The following ACTR3C variants were observed in gnomAD, a reference collection of about 807,000 sequenced individuals.
ACTR3C encodes actin-related protein 3C.
In ACTR3C, 18 loss-of-function variants were observed where a neutral mutation model predicts 26.3. The ratio of observed to expected loss-of-function variants is 0.68; its 90% CI spans 0.47 to 1.01. ACTR3C has a LOEUF of 1.01. ACTR3C is among the 50% of genes least tolerant of loss of function. The probability of loss-of-function intolerance (pLI) is 0.00; values close to 1 mark genes in which losing one functional copy is unlikely to be tolerated. For synonymous variants in ACTR3C, 55 were observed against 94.5 expected, an observed-to-expected ratio of 0.58 and a Z score of 2.42; for missense variants, 184 against 250.7, an observed-to-expected ratio of 0.73 and a Z score of 1.80.
At chr7:150,121,222 C>G in the ACTR3C span, among the ~76,000 whole-genome samples, 2 of 152,208 alleles carry the variant, frequency 1.3e-5, no homozygotes, top group African/African-American at 4.8e-5. Flanking sequence ...ATTGGGAGTT[C>G]TTGCCAGGGC....
intron 1 of ACTR3C, among the ~76,000 whole-genome samples, chr7:150,318,253 T>G (rs1432419366): frequency 6.6e-6 from 1 of 152,166 alleles, no homozygotes; most frequent in Non-Finnish European, 1.5e-5. Context: ...GTCTGATCTC[T>G]GCCAAAAGAC....
downstream of ACTR3C, among the ~76,000 whole-genome samples, chr7:150,242,296 A>G (rs1317174199): frequency 6.6e-6 from 1 of 150,932 alleles, no homozygotes; most frequent in Admixed American, 6.6e-5. Context: ...ACAGAGGGCA[A>G]CAGAGGACAC....
chr7:150,183,726 C>G, the ACTR3C span, among the ~76,000 whole-genome samples: 1 of 131,106 alleles, frequency 7.6e-6, no homozygotes, highest in African/African-American at 3.2e-5. Context: ...AAAAGCTTAT[C>G]TGTCAGAAAC....
At chr7:150,203,501 C>T in the ACTR3C span, among the ~76,000 whole-genome samples, 144 of 152,338 alleles carry the variant, frequency 9.5e-4, no homozygotes, top group Middle Eastern at 3.4e-3. Context: ...CCTCCTGATA[C>T]ACCCCCTGAA....
At chr7:150,227,351 T>C in the ACTR3C span, among the ~76,000 whole-genome samples, 1 of 151,522 alleles carries the variant, frequency 6.6e-6, no homozygotes, top group East Asian at 1.9e-4. Flanking sequence ...TTCTATGAGA[T>C]CAATTTCTTT....
intron 1 of ACTR3C, among the ~76,000 whole-genome samples, chr7:150,314,830 T>C (rs1796689971): frequency 6.7e-6 from 1 of 148,988 alleles, no homozygotes; most frequent in African/African-American, 2.5e-5. Flanking sequence ...CACACACCTG[T>C]AGTCCCAGCT....
the ACTR3C span, among the ~76,000 whole-genome samples, chr7:149,988,746 G>A: frequency 2.6e-5 from 4 of 152,196 alleles, no homozygotes; most frequent in African/African-American, 9.7e-5. Context: ...CCATGAATCT[G>A]CCCAGAAGCC....
the ACTR3C span, chr7:150,045,167 T>C: frequency 6.6e-6 from 1 of 152,266 alleles, no homozygotes; most frequent in Non-Finnish European, 1.5e-5. Context: ...GGCAAGTATC[T>C]GTACCTAAAA....
downstream of ACTR3C, chr7:150,244,743 G>C (rs567286163): frequency 2.1e-4 from 38 of 179,290 alleles, no homozygotes; most frequent in South Asian, 5.3e-3. Context: ...GCTCTTCCCA[G>C]CCTCTGCTCT....
chr7:150,047,909 C>G, the ACTR3C span: 1 of 1,349,536 alleles, frequency 7.4e-7, no homozygotes, highest in Non-Finnish European at 9.7e-7. Flanking sequence ...TTTGCTTTCT[C>G]TCCGGTTCCC....
intron 6 of ACTR3C, among the ~76,000 whole-genome samples, chr7:150,259,657 C>A (rs1833501793): frequency 6.6e-6 from 1 of 152,146 alleles, no homozygotes; most frequent in Non-Finnish European, 1.5e-5. Flanking sequence ...GGAAATGAGT[C>A]TCCATTTTCT....
the ACTR3C span, among the ~76,000 whole-genome samples, chr7:150,156,060 G>C: frequency 6.6e-6 from 1 of 151,408 alleles, no homozygotes; most frequent in African/African-American, 2.4e-5. Flanking sequence ...CTTGCAGGGA[G>C]TCAGTGAGGT....
chr7:150,131,859 T>G, the ACTR3C span, among the ~76,000 whole-genome samples: 24,344 of 151,734 alleles, frequency 0.16, 1,535 homozygotes, highest in Admixed American at 0.18. Context: ...ATACACCCAA[T>G]GGGATGGCTC....
chr7:150,038,093 C>CA, the ACTR3C span, among the ~76,000 whole-genome samples: 44 of 140,684 alleles, frequency 3.1e-4, 3 homozygotes, highest in South Asian at 6.6e-4. Flanking sequence ...TGCCTCCCCC[C>CA]CTGTGATGGG....
chr7:150,242,241 G>A (rs779687487), downstream of ACTR3C, among the ~76,000 whole-genome samples: 115 of 151,060 alleles, frequency 7.6e-4, no homozygotes, highest in Middle Eastern at 3.4e-3. Context: ...TGAGGGTGGG[G>A]GAAGAATATA....
the ACTR3C span, among the ~76,000 whole-genome samples, chr7:150,157,576 A>G: frequency 6.6e-6 from 1 of 152,032 alleles, no homozygotes; most frequent in Non-Finnish European, 1.5e-5. Flanking sequence ...GCTCTCTACC[A>G]GCAAGTCATT....
At chr7:150,111,891 C>T in the ACTR3C span, among the ~76,000 whole-genome samples, 16 of 151,684 alleles carry the variant, frequency 1.1e-4, no homozygotes, top group Admixed American at 6.6e-4. Context: ...CCACCACTCC[C>T]GGCGCGCTGG....
At chr7:150,086,812 A>ATTTGAAAG in the ACTR3C span, among the ~76,000 whole-genome samples, 1 of 152,152 alleles carries the variant, frequency 6.6e-6, no homozygotes, top group African/African-American at 2.4e-5. Context: ...TAGTGGGGTT[A>ATTTGAAAG]TTTGAAAGGG....
At chr7:150,067,435 A>C in the ACTR3C span, among the ~76,000 whole-genome samples, 1 of 152,224 alleles carries the variant, frequency 6.6e-6, no homozygotes, top group African/African-American at 2.4e-5. Flanking sequence ...TAAGCCAAGT[A>C]TGTTTATATT....
Sources: allele counts gnomAD v4.1 joint callset (sites outside exome capture counted in the v4.1 genomes callset), GRCh38; gene constraint gnomAD v4.1.1; transcripts MANE v1.5; gene names NCBI Gene and HGNC (gene_info 2026-07-23, HGNC 2026-07-21).